Variants in CSTF2 observed in about 807,000 individuals in gnomAD.
CSTF2 encodes cleavage stimulation factor subunit 2, also known as CF-1 64 kDa subunit.
Under a neutral mutation model 45.4 loss-of-function variants are expected in CSTF2, and 8 were observed. The observed-to-expected ratio is 0.18, with a 90% CI of 0.10 to 0.32. The LOEUF (loss-of-function observed/expected upper bound fraction) is 0.32. CSTF2 is among the 10% of genes least tolerant of loss of function. The pLI is 1.00. For missense variants in CSTF2, 253 were observed against 477.1 expected, an observed-to-expected ratio of 0.53 and a Z score of 4.38; for synonymous variants, 155 against 158.9, an observed-to-expected ratio of 0.98 and a Z score of 0.18.
At chrX:100,826,053 C>A (rs1376667509) in intron 6 of CSTF2, among the ~76,000 whole-genome samples, 1 of 111,223 alleles carries the variant, frequency 9.0e-6, no homozygotes, top group East Asian at 2.8e-4. Flanking sequence ...AGGGACTACT[C>A]AGTTTTTTGG....
Position 100,831,571 on chromosome X carries a change from C to G in CSTF2, c.946C>G (p.Pro316Ala). Reference protein sequence around the residue: ...MQRGSLPANVPTPRGLLGDAP... With the variant: ...MQRGSLPANVATPRGLLGDAP... Reference sequence around the variant, plus strand: ...GCGGGGATCCTTGCCTGCGAATGTCCCAACCCCTCGAGGCTTGTTAGGAGA... The same window carrying G: ...GCGGGGATCCTTGCCTGCGAATGTCGCAACCCCTCGAGGCTTGTTAGGAGA... The change falls in exon 9 of 14, where the codon CCA (proline) becomes GCA (alanine). Residue 316 changes from proline to alanine, a missense_variant. By Grantham distance (27) the Pro-to-Ala change is conservative. Coordinates refer to ENST00000372972, the MANE Select transcript of CSTF2 (RefSeq NM_001325.3). 8.3e-7 allele frequency: 1 copy of G among 1,211,150 alleles called. No homozygotes were observed. Among genetic ancestry groups the G allele is most frequent in the Non-Finnish European group, 1.1e-6 (1 of 895,075 alleles).
Position 100,833,326 on chromosome X carries a change from G to A in CSTF2, c.1354G>A (p.Ala452Thr). Reference sequence around the variant, plus strand: ...TGCAATGGAGGCCCGAGCGATGGAGGCCCGTGCAATGGAAGTCCGAGGGAT... The same window carrying A: ...TGCAATGGAGGCCCGAGCGATGGAGACCCGTGCAATGGAAGTCCGAGGGAT... ...ARAMEARAME[A>T]RAMEVRGMEA... The change falls in exon 11 of 14, where the codon GCC becomes ACC. Residue 452 changes from alanine (A) to threonine (T), a missense_variant. Physicochemically the swap from Ala to Thr is moderately conservative, Grantham distance 58 (BLOSUM62 0). Coordinates refer to ENST00000372972, the MANE Select transcript of CSTF2 (RefSeq NM_001325.3). 1 of 1,210,324 alleles carries A rather than the reference G, an allele frequency of 8.3e-7. No individual in the cohort carries two copies. Among genetic ancestry groups the A allele is most frequent in the Non-Finnish European group, 1.1e-6 (1 of 895,008 alleles).
In CSTF2 at chrX:100,828,080, A is replaced by G. The variant is rs766527740; in HGVS notation, c.867A>G (p.Pro289=). The G allele has an allele frequency of 1.7e-6, 2 of 1,206,159 alleles. No individual in the cohort carries two copies. Among genetic ancestry groups the G allele is most frequent in the Non-Finnish European group, 2.2e-6 (2 of 892,203 alleles). The change falls in exon 8 of 14, where the codon CCA becomes CCG. Residue 289 remains proline (P), a synonymous_variant. Transcript: ENST00000372972. ...AGGTTGGAATGCCAGGAAGTGGACC[A>G]GTGTCCATGGAACGGGGGCAAGGTA... The part of the protein sequence containing the change: ...QAQVGMPGSG[P]VSMERGQVPM...
At chrX:100,832,567 C>T (rs753560008) in intron 9 of CSTF2, among the ~76,000 whole-genome samples, 167 bp from the exon 10 acceptor site, 17 of 112,195 alleles carry the variant, frequency 1.5e-4, no homozygotes, top group Middle Eastern at 4.6e-3. Flanking sequence ...TTCTAGAATA[C>T]ATGGATTTAT....
In CSTF2 at chrX:100,833,175, T is replaced by C. The variant is rs2084986242; in HGVS notation, c.1208-5T>C. ...ATAATGGTTTTGTTACATTTTTCTT[T>C]ATAGGTGGAAGGGATCCCCGAGGAA... is the stretch of plus-strand genomic sequence containing the variant. On this transcript the variant is annotated splice_region_variant and splice_polypyrimidine_tract_variant and intron_variant, in intron 10 of 13. Transcript: ENST00000372972. 2 of 1,205,944 alleles carry C rather than the reference T, an allele frequency of 1.7e-6. No homozygotes were observed. The highest frequency in any genetic ancestry group is 2.2e-6 in the Non-Finnish European group (2 of 891,679).
At chrX:100,821,740 A>G (rs2084918998) in intron 2 of CSTF2, 135 bp downstream of exon 2, 1 of 470,414 alleles carries the variant, frequency 2.1e-6, no homozygotes, top group Admixed American at 3.8e-5. Flanking sequence ...TTATTGAGAT[A>G]TAATTGATAC....
chrX:100,820,415 C>T lies in CSTF2; in HGVS notation c.-2C>T. 5.8e-6 allele frequency: 7 copies of T among 1,211,256 alleles called. No individual in the cohort carries two copies. In the South Asian group the frequency reaches 1.1e-4, roughly 18 times the overall value. ...CGCACCGGAAGCCGACTCAACAGAG[C>T]TATGGCGGGTTTGACTGTGAGAGAC... is the stretch of plus-strand genomic sequence containing the variant. On this transcript the variant is annotated 5_prime_UTR_variant, in exon 1 of 14. Transcript: ENST00000372972.
chrX:100,831,886 T>C (rs1276496900), intron 9 of CSTF2, among the ~76,000 whole-genome samples: 4 of 112,234 alleles, frequency 3.6e-5, no homozygotes, highest in African/African-American at 1.3e-4. Flanking sequence ...GTATACATAC[T>C]TGAACAGGGA....
intron 8 of CSTF2, among the ~76,000 whole-genome samples, chrX:100,828,487 T>C (rs2084956796): frequency 8.9e-6 from 1 of 112,178 alleles, no homozygotes; most frequent in South Asian, 3.7e-4. Flanking sequence ...TCTCTCTCCC[T>C]GTATGGATAT....
intron 8 of CSTF2, among the ~76,000 whole-genome samples, chrX:100,828,538 T>C (rs1286485111): frequency 1.8e-5 from 2 of 112,095 alleles, no homozygotes; most frequent in African/African-American, 3.2e-5. Context: ...AGCATGTAAA[T>C]ATGTGGCTGG....
intron 8 of CSTF2, 101 bp from the exon 9 acceptor site, chrX:100,831,414 C>T (rs2084974682): frequency 3.0e-6 from 3 of 1,006,126 alleles, no homozygotes; most frequent in Non-Finnish European, 4.2e-6. Flanking sequence ...GTTTCACCCA[C>T]TCTAAGGTGT....
chrX:100,823,261 C>G (rs753764337), intron 3 of CSTF2, 31 bp from the exon 4 acceptor site: 1 of 1,196,767 alleles, frequency 8.4e-7, no homozygotes. Flanking sequence ...GTTTTGCCTC[C>G]CTAACTTTCT....
At chrX:100,838,163 T>C (rs372368915) in intron 12 of CSTF2, 76 bp from the exon 13 acceptor site, 1 of 1,001,325 alleles carries the variant, frequency 1.0e-6, no homozygotes, top group East Asian at 3.5e-5. Context: ...AAGCTGGTGG[T>C]GGGTTTTTTG....
At chrX:100,834,123 C>T (rs1354648851) in intron 11 of CSTF2, among the ~76,000 whole-genome samples, 5 of 111,825 alleles carry the variant, frequency 4.5e-5, no homozygotes, top group Non-Finnish European at 9.4e-5. Flanking sequence ...GCTCCCTCTT[C>T]ATCTCGACTT....
Position 100,822,662 on chromosome X carries a change from G to C in CSTF2, c.307+242G>C. ...ATACCCTTGCTCTGGATGGAGCAGG[G>C]CAAGGCCTCAAACCGTTTCAAAACT... On this transcript the variant is annotated intron_variant, in intron 3 of 13. Coordinates refer to ENST00000372972, the MANE Select transcript of CSTF2 (RefSeq NM_001325.3). 1.8e-5 allele frequency: 7 copies of C among 398,618 alleles called. No homozygotes were observed. The South Asian group carries it at 2.0e-4, about 11-fold the overall frequency. 32.9% of individuals were successfully genotyped at this position (398,618 alleles called of 1,213,427 possible). A position where few individuals can be genotyped will look rare whatever the true frequency, so the allele number is the denominator to read the frequency against.
intron 11 of CSTF2, among the ~76,000 whole-genome samples, chrX:100,835,061 T>A (rs2084999620): frequency 9.0e-6 from 1 of 110,767 alleles, no homozygotes; most frequent in African/African-American, 3.3e-5. Context: ...ATTAATATAT[T>A]AACTTATAAA....
At chrX:100,838,194 C>T in intron 12 of CSTF2, 45 bp from the exon 13 acceptor site, 1 of 1,084,727 alleles carries the variant, frequency 9.2e-7, no homozygotes, top group South Asian at 2.8e-5. Context: ...TATTTTTTAG[C>T]TGCCATCATT....
At chrX:100,825,707 T>A (rs1353687239) in intron 6 of CSTF2, among the ~76,000 whole-genome samples, 1 of 111,494 alleles carries the variant, frequency 9.0e-6, no homozygotes, top group Non-Finnish European at 1.9e-5. Flanking sequence ...TGTGTTCCGT[T>A]AAAAGTTTGT....
chrX:100,824,151 C>T lies in CSTF2; in HGVS notation c.596C>T (p.Thr199Met), dbSNP rs769877951. The T allele has an allele frequency of 4.1e-6, 5 of 1,210,327 alleles. No homozygotes were observed. Among genetic ancestry groups the T allele is most frequent in the East Asian group, 5.9e-5 (2 of 33,798 alleles). The change falls in exon 6 of 14, where the codon ACG becomes ATG. Residue 199 changes from threonine to methionine, a missense_variant. Around this residue, in one of 3 missense-constraint regions of CSTF2, gnomAD observed 200 missense variants for 294.0 expected, o/e 0.68. Coordinates refer to ENST00000372972, the MANE Select transcript of CSTF2 (RefSeq NM_001325.3). ...KILHRQTNIP[T>M]LIAGNPQPVH... ...CTGCATCGCCAGACAAATATCCCAACGCTGATTGCAGGCAACCCTCAGCCA... is the reference window on the plus strand; with the variant it reads ...CTGCATCGCCAGACAAATATCCCAATGCTGATTGCAGGCAACCCTCAGCCA...
Sources: gnomAD v4.1 joint callset for allele counts (sites outside exome capture counted in the v4.1 genomes callset) on GRCh38, gnomAD v4.1.1 for gene constraint, gnomAD v4.1.1 regional missense constraint, MANE v1.5 for transcripts, NCBI Gene and HGNC (gene_info 2026-07-23, HGNC 2026-07-21) for gene names.